The following LINGO2 variants were observed in gnomAD, a reference collection of about 807,000 sequenced individuals.
LINGO2 encodes leucine rich repeat and Ig domain containing 2, also known as leucine-rich repeat and immunoglobulin-like domain-containing nogo receptor-interacting protein 2.
LINGO2 carries 14 observed loss-of-function variants against 30.6 expected under a neutral mutation model. The ratio of observed to expected loss-of-function variants is 0.46; its 90% CI spans 0.30 to 0.72. The LOEUF (loss-of-function observed/expected upper bound fraction) is 0.72. Among genes scored for constraint, LINGO2 ranks in the 30% least tolerant of loss-of-function variants. The probability of loss-of-function intolerance (pLI) is 0.07; values close to 1 mark genes in which losing one functional copy is unlikely to be tolerated. For synonymous variants in LINGO2, 317 were observed against 288.5 expected (o/e 1.10, Z -1.00); for missense variants, 729 against 751.7 (o/e 0.97, Z 0.35).
At chr9:28,580,058 G>A (rs1422810795) in intron 1 of LINGO2, among the ~76,000 whole-genome samples, 1 of 152,052 alleles carries the variant, frequency 6.6e-6, no homozygotes, top group African/African-American at 2.4e-5. Context: ...GGCTTTAATT[G>A]CTATAGCAAA....
rs73643284 is a variant in LINGO2, at chr9:28,030,248, A to G, written c.-86-17843T>C. ...ACACTAACTTGGAACATGAGAAAAC[A>G]CTTCTTAAGTGAGGCCATTTCTGAG... On this transcript the variant is annotated intron_variant, in intron 4 of 5. Transcript: ENST00000379992. Among the ~76,000 whole-genome samples the G allele has an allele frequency of 7.2e-3, 1,094 of 152,282 alleles. 10 individuals are homozygous for G. Among genetic ancestry groups the G allele is most frequent in the African/African-American group, 0.025 (1,026 of 41,560 alleles).
chr9:29,080,045 A>AT, the LINGO2 span, among the ~76,000 whole-genome samples: 6 of 151,714 alleles, frequency 4.0e-5, no homozygotes, highest in African/African-American at 7.3e-5. Flanking sequence ...ACAGATTTAA[A>AT]TTTTCATAGC....
At chr9:28,578,444 T>G (rs1253694981) in intron 1 of LINGO2, among the ~76,000 whole-genome samples, 2 of 152,160 alleles carry the variant, frequency 1.3e-5, no homozygotes, top group African/African-American at 4.8e-5. Context: ...TGCAATAGCT[T>G]CATAAAGATT....
chr9:29,169,377 T>A, the LINGO2 span, among the ~76,000 whole-genome samples: 1 of 151,844 alleles, frequency 6.6e-6, no homozygotes, highest in Non-Finnish European at 1.5e-5. Context: ...AGACTGTCAA[T>A]ACATCTGACA....
the LINGO2 span, among the ~76,000 whole-genome samples, chr9:28,992,666 C>G: frequency 6.6e-6 from 1 of 152,104 alleles, no homozygotes; most frequent in African/African-American, 2.4e-5. Context: ...CAAACTTTCT[C>G]TCAGACCACA....
chr9:28,371,187 A>C (rs1234838254), intron 3 of LINGO2, among the ~76,000 whole-genome samples: 1 of 152,190 alleles, frequency 6.6e-6, no homozygotes, highest in Non-Finnish European at 1.5e-5. Context: ...CAGATAATTA[A>C]GTTTTACCAT....
chr9:28,407,265 G>GAA (rs5897296), intron 2 of LINGO2, among the ~76,000 whole-genome samples: 52,461 of 151,024 alleles, frequency 0.35, 9,494 homozygotes, highest in Admixed American at 0.37. Flanking sequence ...GAGGCAAAGA[G>GAA]AAAAAAAAGA....
the LINGO2 span, among the ~76,000 whole-genome samples, chr9:28,865,300 C>A: frequency 1.3e-5 from 2 of 152,074 alleles, no homozygotes; most frequent in African/African-American, 4.8e-5. Flanking sequence ...AATAATGAGG[C>A]AACCTGTCTG....
chr9:28,469,112 C>A (rs1825422028), intron 2 of LINGO2, among the ~76,000 whole-genome samples: 1 of 151,584 alleles, frequency 6.6e-6, no homozygotes, highest in South Asian at 2.1e-4. Flanking sequence ...ATATAGAAAT[C>A]ATAAAAAAGA....
intron 4 of LINGO2, among the ~76,000 whole-genome samples, chr9:28,029,673 A>T (rs1010575974): frequency 2.6e-5 from 4 of 152,222 alleles, no homozygotes; most frequent in Non-Finnish European, 4.4e-5. Flanking sequence ...TGAGATAGTC[A>T]AAACTAATAA....
chr9:29,055,836 T>G, the LINGO2 span, among the ~76,000 whole-genome samples: 1 of 151,886 alleles, frequency 6.6e-6, no homozygotes, highest in Admixed American at 6.6e-5. Context: ...ATTCTTGAGT[T>G]ACTACATTTA....
chr9:28,730,647 A>G, the LINGO2 span, among the ~76,000 whole-genome samples: 1 of 152,198 alleles, frequency 6.6e-6, no homozygotes, highest in Non-Finnish European at 1.5e-5. Context: ...ATACATGAAC[A>G]GACATAGAGG....
the LINGO2 span, among the ~76,000 whole-genome samples, chr9:28,842,233 C>T: frequency 6.6e-6 from 1 of 151,836 alleles, no homozygotes; most frequent in African/African-American, 2.4e-5. Flanking sequence ...ATAATGGCTC[C>T]ACATTTTGAA....
At chr9:28,698,655 C>T in the LINGO2 span, among the ~76,000 whole-genome samples, 3 of 151,676 alleles carry the variant, frequency 2.0e-5, no homozygotes, top group Non-Finnish European at 4.4e-5. Context: ...AGAGGACTTT[C>T]AGGTTAGTTT....
At chr9:28,582,631 A>T (rs578061825) in intron 1 of LINGO2, among the ~76,000 whole-genome samples, 12 of 152,110 alleles carry the variant, frequency 7.9e-5, no homozygotes, top group African/African-American at 2.9e-4. Context: ...AAGTCCATTA[A>T]TCTCTAAATA....
the LINGO2 span, among the ~76,000 whole-genome samples, chr9:28,775,560 C>A: frequency 3.3e-5 from 5 of 152,072 alleles, no homozygotes; most frequent in African/African-American, 1.2e-4. Context: ...TCTTTTTGGG[C>A]CTCAAACTTC....
chr9:28,351,069 C>T (rs957574510), intron 3 of LINGO2, among the ~76,000 whole-genome samples: 4 of 151,888 alleles, frequency 2.6e-5, no homozygotes, highest in African/African-American at 9.7e-5. Context: ...AATTGGCACC[C>T]TAACATCACA....
chr9:29,095,757 T>C, the LINGO2 span, among the ~76,000 whole-genome samples: 3 of 138,608 alleles, frequency 2.2e-5, no homozygotes, highest in South Asian at 6.8e-4. Flanking sequence ...GGGATTCTGT[T>C]TACTTCTCCC....
At chr9:28,588,723 A>C (rs988765017) in intron 1 of LINGO2, among the ~76,000 whole-genome samples, 1 of 152,066 alleles carries the variant, frequency 6.6e-6, no homozygotes, top group Non-Finnish European at 1.5e-5. Context: ...TCTTTCATTT[A>C]GAAATTTTAT....
Sources: allele counts gnomAD v4.1 joint callset (sites outside exome capture counted in the v4.1 genomes callset), GRCh38; gene constraint gnomAD v4.1.1; transcripts MANE v1.5; gene names NCBI Gene and HGNC (gene_info 2026-07-23, HGNC 2026-07-21).